GAB2: variants seen among roughly 807,000 people sequenced by gnomAD.
GAB2 encodes the protein GRB2-associated-binding protein 2.
A neutral mutation model predicts 65.5 loss-of-function variants in GAB2; 26 were observed. That is an observed-to-expected ratio of 0.40 (90% CI 0.29 to 0.55). The LOEUF is 0.55. GAB2 is among the 20% of genes least tolerant of loss of function. The pLI is 0.53. For missense variants in GAB2, 884 were observed against 875.8 expected (o/e 1.01, Z -0.12); for synonymous variants, 321 against 329.6 (o/e 0.97, Z 0.28).
intron 1 of GAB2, among the ~76,000 whole-genome samples, chr11:78,332,625 C>T (rs2083085664): frequency 6.6e-6 from 1 of 152,160 alleles, no homozygotes; most frequent in African/African-American, 2.4e-5. Flanking sequence ...AAGTAAGAGT[C>T]TAATGGGATG....
At chr11:78,367,821 C>CTTTTT (rs569887849) in intron 1 of GAB2, among the ~76,000 whole-genome samples, 72 of 116,070 alleles carry the variant, frequency 6.2e-4, no homozygotes, top group East Asian at 8.1e-4. Flanking sequence ...TTTTCTTTTT[C>CTTTTT]TTTTTTTTTT....
rs1383778497 is a variant in GAB2, at chr11:78,222,109, C to T, written c.1654G>A (p.Ala552Thr). 7 of 1,605,338 alleles carry T rather than the reference C, an allele frequency of 4.4e-6. No homozygotes were observed. The highest frequency in any genetic ancestry group is 6.0e-6 in the Non-Finnish European group (7 of 1,172,016). ...CCCCCACACATACGCACTTACTTGGCCCTAGACCAAGACTTGGTGATAGGT... is the reference window on the plus strand; with the variant it reads ...CCCCCACACATACGCACTTACTTGGTCCTAGACCAAGACTTGGTGATAGGT... ...KSPITKSWSR[A>T]NHTFNSSSSQ... The change falls in exon 7 of 10, where the codon GCC becomes ACC. Residue 552 changes from alanine (A) to threonine (T), a missense_variant. Coordinates refer to ENST00000361507, the MANE Select transcript of GAB2 (RefSeq NM_080491.3).
chr11:78,264,574 TA>T (rs1865825229), intron 2 of GAB2, among the ~76,000 whole-genome samples: 1 of 143,780 alleles, frequency 7.0e-6, no homozygotes, highest in African/African-American at 2.5e-5. Context: ...CTAATTTTTG[TA>T]TTTTTTTTTT....
intron 1 of GAB2, among the ~76,000 whole-genome samples, chr11:78,365,991 T>G (rs1294212458): frequency 1.1e-4 from 16 of 152,216 alleles, no homozygotes; most frequent in Non-Finnish European, 1.5e-5. Flanking sequence ...TACAGTTTTC[T>G]CTGGGCTTTG....
intron 3 of GAB2, among the ~76,000 whole-genome samples, chr11:78,230,641 G>A (rs1323222995): frequency 1.3e-5 from 2 of 152,242 alleles, no homozygotes; most frequent in Admixed American, 6.5e-5. Context: ...CATAGTGCCA[G>A]GCATATGATA....
intron 2 of GAB2, among the ~76,000 whole-genome samples, chr11:78,262,166 G>T (rs1035509755): frequency 2.6e-5 from 4 of 152,004 alleles, no homozygotes; most frequent in African/African-American, 9.7e-5. Context: ...TTTGCCTAGG[G>T]AATTATGAGA....
intron 1 of GAB2, among the ~76,000 whole-genome samples, chr11:78,414,649 ATC>A (rs1565190511): frequency 6.6e-6 from 1 of 152,152 alleles, no homozygotes; most frequent in Non-Finnish European, 1.5e-5. Flanking sequence ...CTGCAGCCAT[ATC>A]AGGATGCCCC....
chr11:78,363,996 A>T (rs568647555), intron 1 of GAB2: 1 of 152,216 alleles, frequency 6.6e-6, no homozygotes, highest in South Asian at 2.1e-4. Flanking sequence ...CCCATTTAAC[A>T]TATATTTATA....
chr11:78,280,224 TGAA>T (rs1276546343), intron 2 of GAB2, among the ~76,000 whole-genome samples: 1 of 151,932 alleles, frequency 6.6e-6, no homozygotes, highest in Non-Finnish European at 1.5e-5. Flanking sequence ...CAGACAGAGA[TGAA>T]GGAGAGAAGG....
intron 1 of GAB2, among the ~76,000 whole-genome samples, chr11:78,320,890 G>A (rs113102239): frequency 1.3e-5 from 2 of 152,058 alleles, no homozygotes; most frequent in Admixed American, 1.3e-4. Context: ...AGATATTATA[G>A]TCCCAGTAAG....
chr11:78,276,597 T>C (rs947052654), intron 2 of GAB2, among the ~76,000 whole-genome samples: 1 of 152,144 alleles, frequency 6.6e-6, no homozygotes, highest in Non-Finnish European at 1.5e-5. Flanking sequence ...GACTCTACTG[T>C]TCATCTTTGT....
intron 1 of GAB2, among the ~76,000 whole-genome samples, chr11:78,321,871 TAA>T (rs199889491): frequency 4.2e-5 from 6 of 142,018 alleles, no homozygotes; most frequent in East Asian, 4.0e-4. Flanking sequence ...TTGACAAAGT[TAA>T]AAAAAAAAAA....
chr11:78,215,616 AAT>A lies in GAB2; in HGVS notation c.*3654_*3655del, dbSNP rs1037003092. On this transcript the variant is annotated 3_prime_UTR_variant, in exon 10 of 10. Coordinates refer to ENST00000361507, the MANE Select transcript of GAB2 (RefSeq NM_080491.3). The stretch of plus-strand genomic sequence containing the variant: ...GACAAACAGTGACAATTCTGCGTGA[AAT>A]AATTCTAGATTTCAAGACACAAGTA... 32 of 152,430 alleles carry A rather than the reference AAT, an allele frequency of 2.1e-4. No homozygotes were observed. Among genetic ancestry groups the A allele is most frequent in the African/African-American group, 7.5e-4 (31 of 41,578 alleles). 9.4% of individuals were successfully genotyped at this position (152,430 alleles called of 1,614,324 possible).
intron 1 of GAB2, among the ~76,000 whole-genome samples, 199 bp downstream of exon 1, chr11:78,417,447 G>GCCGC (rs1265651262): frequency 5.2e-4 from 79 of 151,930 alleles, no homozygotes; most frequent in Non-Finnish European, 8.8e-4. Context: ...GCCTCAACCT[G>GCCGC]CCGCCCGCCC....
At chr11:78,325,434 T>C (rs1003586453) in intron 1 of GAB2, among the ~76,000 whole-genome samples, 2 of 152,170 alleles carry the variant, frequency 1.3e-5, no homozygotes, top group African/African-American at 2.4e-5. Flanking sequence ...AACCAAGTAA[T>C]TTGAGTCCTA....
At chr11:78,293,244 C>T (rs1219629344) in intron 1 of GAB2, among the ~76,000 whole-genome samples, 5 of 152,290 alleles carry the variant, frequency 3.3e-5, no homozygotes, top group Middle Eastern at 3.4e-3. Context: ...CAGTTTCCCT[C>T]GGACTCTAAA....
At chr11:78,334,456 G>T (rs1393199150) in intron 1 of GAB2, among the ~76,000 whole-genome samples, 2 of 152,016 alleles carry the variant, frequency 1.3e-5, no homozygotes, top group Non-Finnish European at 2.9e-5. Flanking sequence ...CTATCTCCAT[G>T]AGTGCAATTG....
intron 2 of GAB2, among the ~76,000 whole-genome samples, chr11:78,265,203 C>CACATATATATATATATATATATATAT: frequency 6.9e-6 from 1 of 144,920 alleles, no homozygotes. Flanking sequence ...TTCTATACCA[C>CACATATATATATATATATATATATAT]ATATATATAT....
intron 1 of GAB2, among the ~76,000 whole-genome samples, chr11:78,332,895 T>C (rs1855939312): frequency 6.6e-6 from 1 of 152,188 alleles, no homozygotes; most frequent in Admixed American, 6.5e-5. Context: ...TTTTTGTTTT[T>C]TTAAGAACCT....
Sources: gnomAD v4.1 joint callset for allele counts (sites outside exome capture counted in the v4.1 genomes callset) on GRCh38, gnomAD v4.1.1 for gene constraint, MANE v1.5 for transcripts, NCBI Gene and HGNC (gene_info 2026-07-23, HGNC 2026-07-21) for gene names.